PPTC7: variants seen among roughly 807,000 people sequenced by gnomAD.
PPTC7 encodes protein phosphatase PTC7 homolog.
In PPTC7, 6 loss-of-function variants were observed where a neutral mutation model predicts 30.8. That is an observed-to-expected ratio of 0.19 (90% CI 0.11 to 0.38). The LOEUF is 0.38. Ranked by LOEUF, PPTC7 falls within the 10% of genes least tolerant of loss-of-function variation. PPTC7 has a pLI of 1.00. For synonymous variants in PPTC7, 163 were observed against 168.1 expected (o/e 0.97, Z 0.23); for missense variants, 218 against 404.8 (o/e 0.54, Z 3.96).
chr12:110,545,277 G>C lies in PPTC7; in HGVS notation c.602+603C>G, dbSNP rs563088732. Reference sequence around the variant, plus strand: ...CCAGCTAATTTTTGCATTTTTAGTAGAGATGGGGTTTCACCATGTTGGCCA... The same window carrying C: ...CCAGCTAATTTTTGCATTTTTAGTACAGATGGGGTTTCACCATGTTGGCCA... On this transcript the variant is annotated intron_variant, in intron 3 of 5. Transcript: ENST00000354300. Among the ~76,000 whole-genome samples the C allele has an allele frequency of 2.0e-5, 3 of 152,276 alleles. No homozygotes were observed. The East Asian group carries it at 5.8e-4, about 29-fold the overall frequency.
rs1389183685 is a variant in PPTC7, at chr12:110,551,771, C to T, written c.403+18G>A. The T allele has an allele frequency of 1.2e-6, 2 of 1,607,430 alleles. No individual in the cohort carries two copies. The highest frequency in any genetic ancestry group is 1.1e-5 in the South Asian group (1 of 90,702). On this transcript the variant is annotated intron_variant, in intron 2 of 5. Transcript: ENST00000354300. The stretch of plus-strand genomic sequence containing the variant: ...TAGGGGGCTTCTTTAGAGGAAAACA[C>T]ATAAGATACCCACTTACCGAGCAAA...
chr12:110,583,063 G>C lies in PPTC7; in HGVS notation c.-32C>G, dbSNP rs1413375784. 1 of 1,362,350 alleles carries C rather than the reference G, an allele frequency of 7.3e-7. No individual in the cohort carries two copies. Among genetic ancestry groups the C allele is most frequent in the Non-Finnish European group, 9.4e-7 (1 of 1,066,594 alleles). 84.4% of individuals were successfully genotyped at this position (1,362,350 alleles called of 1,614,324 possible). A position where few individuals can be genotyped will look rare whatever the true frequency, so the allele number is the denominator to read the frequency against. On this transcript the variant is annotated 5_prime_UTR_variant, in exon 1 of 6. Transcript: ENST00000354300. Reference sequence around the variant, plus strand: ...CGCCGCCCCCCCGAGGAGGCGGGGGGCCGGGGGAGCAGGAGGACGCGGAGG... The same window carrying C: ...CGCCGCCCCCCCGAGGAGGCGGGGGCCCGGGGGAGCAGGAGGACGCGGAGG...
At position 110,583,013 on chromosome 12, in the gene PPTC7, A is replaced by G; in HGVS notation, c.19T>C (p.Tyr7His). 2 of 1,470,074 alleles carry G rather than the reference A, an allele frequency of 1.4e-6. No homozygotes were observed. Among genetic ancestry groups the G allele is most frequent in the Non-Finnish European group, 1.8e-6 (2 of 1,119,214 alleles). 91.1% of individuals were successfully genotyped at this position (1,470,074 alleles called of 1,614,324 possible). MFSVLS[Y>H]GRLVARAVLG... is the part of the protein sequence containing the mutation. ...ACGGCGCGGGCCACCAGCCGCCCGT[A>G]CGAGAGGACCGAGAACATCGCCGCC... is the stretch of plus-strand genomic sequence containing the variant. Residue 7 changes from tyrosine (Y) to histidine (H), a missense_variant, in exon 1 of 6, where the codon TAC becomes CAC. Physicochemically the swap from Tyr to His is moderately conservative, Grantham distance 83 (BLOSUM62 2). Transcript: ENST00000354300.
intron 1 of PPTC7, among the ~76,000 whole-genome samples, chr12:110,556,479 C>A (rs2064388064): frequency 6.6e-6 from 1 of 152,096 alleles, no homozygotes; most frequent in South Asian, 2.1e-4. Context: ...ATTAATATGT[C>A]CTCTATTGCA....
intron 1 of PPTC7, among the ~76,000 whole-genome samples, chr12:110,570,785 T>G (rs938259737): frequency 6.7e-5 from 10 of 149,406 alleles, no homozygotes; most frequent in African/African-American, 2.2e-4. Context: ...AATTGTCTTG[T>G]GACCCTGACA....
chr12:110,566,659 A>AG (rs1253426315), intron 1 of PPTC7, among the ~76,000 whole-genome samples: 14 of 152,318 alleles, frequency 9.2e-5, no homozygotes, highest in Middle Eastern at 3.4e-3. Context: ...TGCAGCAATC[A>AG]GAAAAAAAAG....
chr12:110,579,531 G>C (rs2064618758), intron 1 of PPTC7, among the ~76,000 whole-genome samples: 1 of 152,164 alleles, frequency 6.6e-6, no homozygotes, highest in Non-Finnish European at 1.5e-5. Context: ...CATGGAGTCA[G>C]CAAAGTTCCT....
At position 110,539,950 on chromosome 12, in the gene PPTC7, G is replaced by A. The variant is rs754718563; in HGVS notation, c.603-5C>T. ...GTGCTATCAGCAGCATCCGGACTGT[G>A]GCAAGGACAGGGGAGGGACAAAGTT... On this transcript the variant is annotated splice_polypyrimidine_tract_variant and splice_region_variant and intron_variant, in intron 3 of 5. Transcript: ENST00000354300. The A allele has an allele frequency of 3.8e-5, 62 of 1,613,256 alleles. No homozygotes were observed. The highest frequency in any genetic ancestry group is 4.9e-5 in the Non-Finnish European group (58 of 1,179,658).
chr12:110,547,903 G>A (rs1415343732), intron 2 of PPTC7, among the ~76,000 whole-genome samples: 2 of 152,112 alleles, frequency 1.3e-5, no homozygotes, highest in South Asian at 4.1e-4. Context: ...CCAGGAGTTC[G>A]AGACTAAGCC....
At chr12:110,551,508 G>C (rs2064349383) in intron 2 of PPTC7, among the ~76,000 whole-genome samples, 1 of 152,048 alleles carries the variant, frequency 6.6e-6, no homozygotes, top group South Asian at 2.1e-4. Flanking sequence ...CACCATGCCT[G>C]GCTAATTTTT....
intron 1 of PPTC7, among the ~76,000 whole-genome samples, chr12:110,572,253 G>T (rs975425551): frequency 1.3e-5 from 2 of 152,086 alleles, no homozygotes; most frequent in African/African-American, 4.8e-5. Context: ...AGAACAGCCT[G>T]GCCAACATAG....
rs1321652753 is a variant in PPTC7, at chr12:110,535,387, T to C, written c.*1650A>G. 6.6e-6 allele frequency: 1 copy of C among 152,662 alleles called. No homozygotes were observed. The highest frequency in any genetic ancestry group is 1.5e-5 in the Non-Finnish European group (1 of 68,042). 9.5% of individuals were successfully genotyped at this position (152,662 alleles called of 1,614,324 possible). ...TTCTTATTATAAATGAAATGCCTGT[T>C]ACAAGCATGATGCATTGAAATATAG... is the stretch of plus-strand genomic sequence containing the variant. On this transcript the variant is annotated 3_prime_UTR_variant, in exon 6 of 6. Transcript: ENST00000354300.
At chr12:110,537,227 G>T in intron 5 of PPTC7, 132 bp from the exon 6 acceptor site, 2 of 501,978 alleles carry the variant, frequency 4.0e-6, no homozygotes, top group Admixed American at 3.6e-5. Context: ...TACCCTAGTA[G>T]AATAAAGAAA....
chr12:110,540,975 C>T (rs1033662451), intron 3 of PPTC7, among the ~76,000 whole-genome samples: 1 of 151,464 alleles, frequency 6.6e-6, no homozygotes, highest in Non-Finnish European at 1.5e-5. Flanking sequence ...CAGGGTTTCA[C>T]CATGTTGGCC....
intron 1 of PPTC7, among the ~76,000 whole-genome samples, chr12:110,569,812 A>C (rs1379826844): frequency 6.6e-6 from 1 of 152,208 alleles, no homozygotes; most frequent in Non-Finnish European, 1.5e-5. Context: ...GTATATTTCC[A>C]GTGAAGTTTC....
chr12:110,554,914 C>T (rs2135775697), intron 1 of PPTC7, among the ~76,000 whole-genome samples: 1 of 152,244 alleles, frequency 6.6e-6, no homozygotes, highest in South Asian at 2.1e-4. Context: ...TTACTTCATA[C>T]CATTCTGTAT....
chr12:110,575,406 T>C (rs926996865), intron 1 of PPTC7, among the ~76,000 whole-genome samples: 1 of 151,976 alleles, frequency 6.6e-6, no homozygotes, highest in African/African-American at 2.4e-5. Context: ...ACATTTAGCT[T>C]GAACTTAACT....
At chr12:110,557,376 G>A (rs1475697615) in intron 1 of PPTC7, among the ~76,000 whole-genome samples, 1 of 152,162 alleles carries the variant, frequency 6.6e-6, no homozygotes. Context: ...CTGGGCTCAA[G>A]TATTCCTCCC....
intron 4 of PPTC7, 124 bp downstream of exon 4, chr12:110,539,698 A>G: frequency 1.1e-6 from 1 of 894,434 alleles, no homozygotes; most frequent in Non-Finnish European, 1.7e-6. Context: ...AGCTATTATT[A>G]TTTTCCTGAA....
Sources: gnomAD v4.1 joint callset for allele counts (sites outside exome capture counted in the v4.1 genomes callset) on GRCh38, gnomAD v4.1.1 for gene constraint, MANE v1.5 for transcripts, NCBI Gene and HGNC (gene_info 2026-07-23, HGNC 2026-07-21) for gene names.